The following PTPRD variants were observed in gnomAD, a reference collection of about 807,000 sequenced individuals.
PTPRD encodes the protein receptor-type tyrosine-protein phosphatase delta.
PTPRD carries 34 observed loss-of-function variants against 214.5 expected under a neutral mutation model. The observed-to-expected ratio is 0.16, with a 90% CI of 0.12 to 0.21. The LOEUF (loss-of-function observed/expected upper bound fraction) is 0.21. PTPRD is among the 10% of genes least tolerant of loss of function. The pLI is 1.00. For missense variants in PTPRD, 2,545 were observed against 2,398.7 expected (o/e 1.06, Z -1.27); for synonymous variants, 1,128 against 845.7 (o/e 1.33, Z -5.79).
intron 5 of PTPRD, among the ~76,000 whole-genome samples, chr9:9,774,331 C>T (rs1213495198): frequency 6.6e-6 from 1 of 152,116 alleles, no homozygotes; most frequent in Non-Finnish European, 1.5e-5. Flanking sequence ...TATTTACATA[C>T]ATTCACATTT....
At chr9:9,057,089 T>C (rs915417448) in intron 10 of PTPRD, among the ~76,000 whole-genome samples, 3 of 152,178 alleles carry the variant, frequency 2.0e-5, no homozygotes, top group African/African-American at 7.2e-5. Flanking sequence ...TCATAAACCT[T>C]AAATAGCTAT....
chr9:8,559,555 G>T (rs12006485), intron 14 of PTPRD, among the ~76,000 whole-genome samples: 31,396 of 152,102 alleles, frequency 0.21, 3,863 homozygotes, highest in African/African-American at 0.35. Context: ...TTCCCATCAT[G>T]AGGACAAAGT....
intron 3 of PTPRD, among the ~76,000 whole-genome samples, chr9:10,338,299 T>G (rs529060891): frequency 6.6e-6 from 1 of 151,604 alleles, no homozygotes; most frequent in Non-Finnish European, 1.5e-5. Flanking sequence ...AGTAACATTC[T>G]AGCAAGCAGA....
At chr9:8,551,372 T>C (rs1039453425) in intron 14 of PTPRD, among the ~76,000 whole-genome samples, 1 of 152,252 alleles carries the variant, frequency 6.6e-6, no homozygotes, top group African/African-American at 2.4e-5. Context: ...CATCCTTATA[T>C]GCTTCATATC....
intron 2 of PTPRD, among the ~76,000 whole-genome samples, chr9:10,424,586 C>T (rs1428387460): frequency 1.3e-5 from 2 of 151,844 alleles, no homozygotes; most frequent in African/African-American, 4.8e-5. Flanking sequence ...TCCCACCTGT[C>T]TTACGAAGGG....
rs535005284 is a variant in PTPRD, at chr9:9,807,107, T to A, written c.-367-40256A>T. Reference sequence around the variant, plus strand: ...TCTTTTTGTTTCTGCTCTAAAATCTTTTAATAAACTTTCACTCCCGCTGCA... The same window carrying A: ...TCTTTTTGTTTCTGCTCTAAAATCTATTAATAAACTTTCACTCCCGCTGCA... On this transcript the variant is annotated intron_variant, in intron 5 of 45. Transcript: ENST00000381196. Among the ~76,000 whole-genome samples the A allele has an allele frequency of 2.6e-5, 4 of 152,270 alleles. No individual in the cohort carries two copies. In the South Asian group the frequency reaches 8.3e-4, roughly 32 times the overall value.
At chr9:8,820,009 C>T (rs906905501) in intron 11 of PTPRD, among the ~76,000 whole-genome samples, 5 of 152,090 alleles carry the variant, frequency 3.3e-5, no homozygotes, top group Non-Finnish European at 7.3e-5. Context: ...TCACAGCAGA[C>T]GGCATCACTT....
chr9:8,352,691 G>A (rs1033559719), intron 39 of PTPRD, among the ~76,000 whole-genome samples: 1 of 152,188 alleles, frequency 6.6e-6, no homozygotes, highest in Non-Finnish European at 1.5e-5. Flanking sequence ...GGAGCCACTG[G>A]AAGGTACTTG....
At chr9:8,548,069 G>C (rs1371764473) in intron 14 of PTPRD, among the ~76,000 whole-genome samples, 1 of 152,176 alleles carries the variant, frequency 6.6e-6, no homozygotes, top group African/African-American at 2.4e-5. Flanking sequence ...TAACGATTTT[G>C]CTGGAGACCA....
chr9:10,381,867 C>G (rs1298638825), intron 2 of PTPRD, among the ~76,000 whole-genome samples: 1 of 151,884 alleles, frequency 6.6e-6, no homozygotes, highest in African/African-American at 2.4e-5. Context: ...ATCTCTGTAG[C>G]TCTCAGTTTT....
Position 9,236,202 on chromosome 9 carries a change from G to C in PTPRD, c.-202-52839C>G, listed in dbSNP as rs1006714925. ...CAGGAGGTGGAGGCTGCAGTGAGCC[G>C]AGACTGTGCCATTGCACTCCAGCCT... On this transcript the variant is annotated intron_variant, in intron 9 of 45. Transcript: ENST00000381196. Among the ~76,000 whole-genome samples, 26 of 152,170 alleles carry C rather than the reference G, an allele frequency of 1.7e-4. 1 individual carries two copies. Among genetic ancestry groups the C allele is most frequent in the African/African-American group, 5.5e-4 (23 of 41,512 alleles).
At position 9,617,965 on chromosome 9, in the gene PTPRD, G is replaced by C. The variant is rs966399789; in HGVS notation, c.-286-43184C>G. ...CGGGCGCCTGCGGTCCCTGCTACTC[G>C]GGAGCCTGAGGCAGGAGAATGGCGT... On this transcript the variant is annotated intron_variant, in intron 7 of 45. Coordinates refer to ENST00000381196, the MANE Select transcript of PTPRD (RefSeq NM_002839.4). 6.0e-5 allele frequency among the ~76,000 whole-genome samples: 9 copies of C among 149,780 alleles called. No individual in the cohort carries two copies. The South Asian group carries it at 8.5e-4, about 14-fold the overall frequency.
intron 5 of PTPRD, among the ~76,000 whole-genome samples, chr9:9,848,547 C>T (rs544596585): frequency 7.9e-5 from 12 of 152,126 alleles, no homozygotes; most frequent in African/African-American, 2.6e-4. Flanking sequence ...AATTGAAGAC[C>T]TTGTCCAATA....
intron 11 of PTPRD, among the ~76,000 whole-genome samples, chr9:8,995,201 T>G (rs2099391939): frequency 3.3e-5 from 5 of 152,208 alleles, no homozygotes; most frequent in African/African-American, 1.2e-4. Flanking sequence ...ACAGTGAAAT[T>G]TGGACCTGTA....
intron 11 of PTPRD, among the ~76,000 whole-genome samples, chr9:8,927,787 A>T (rs200178430): frequency 6.6e-6 from 1 of 152,098 alleles, no homozygotes; most frequent in Admixed American, 6.6e-5. Flanking sequence ...TGCCACACTG[A>T]CTTCCACAAT....
In PTPRD at chr9:10,478,446, C is replaced by T. The variant is rs148070169; in HGVS notation, c.-600+133952G>A. Among the ~76,000 whole-genome samples the T allele has an allele frequency of 3.8e-3, 583 of 152,254 alleles. 1 individual carries two copies. The highest frequency in any genetic ancestry group is 0.013 in the African/African-American group (532 of 41,562). ...TATCTGGAAACTACTTAGCATTTCC[C>T]AGTGGAAGCTATTCATATCACCCCT... On this transcript the variant is annotated intron_variant, in intron 2 of 45. Coordinates refer to ENST00000381196, the MANE Select transcript of PTPRD (RefSeq NM_002839.4).
chr9:10,499,301 T>C (rs1157754124), intron 2 of PTPRD, among the ~76,000 whole-genome samples: 1 of 151,918 alleles, frequency 6.6e-6, no homozygotes, highest in East Asian at 1.9e-4. Flanking sequence ...GTTCTTGTGT[T>C]AGTTTGCCCA....
chr9:8,374,367 C>T (rs906941969), intron 39 of PTPRD, among the ~76,000 whole-genome samples: 3 of 151,920 alleles, frequency 2.0e-5, no homozygotes, highest in Non-Finnish European at 4.4e-5. Flanking sequence ...AGCATACAGA[C>T]TGATCAAACT....
chr9:9,945,378 A>G (rs930959064), intron 4 of PTPRD, among the ~76,000 whole-genome samples: 3 of 152,204 alleles, frequency 2.0e-5, no homozygotes, highest in Non-Finnish European at 2.9e-5. Context: ...AAGAGATTTA[A>G]AAGAAAAGAA....
Sources: allele counts gnomAD v4.1 joint callset (sites outside exome capture counted in the v4.1 genomes callset), GRCh38; gene constraint gnomAD v4.1.1; transcripts MANE v1.5; gene names NCBI Gene and HGNC (gene_info 2026-07-23, HGNC 2026-07-21).